DNMBP: variants seen among roughly 807,000 people sequenced by gnomAD.
The protein encoded by DNMBP is dynamin-binding protein.
Under a neutral mutation model 150.0 loss-of-function variants are expected in DNMBP, and 87 were observed. That is an observed-to-expected ratio of 0.58 (90% confidence interval 0.49 to 0.69). DNMBP has a LOEUF of 0.69. Among genes scored for constraint, DNMBP ranks in the 30% least tolerant of loss-of-function variants. The pLI is 0.00. For missense variants in DNMBP, 1,774 were observed against 1,949.0 expected (o/e 0.91, Z 1.69); for synonymous variants, 711 against 750.4 (o/e 0.95, Z 0.86).
chr10:99,913,968 C>A, intron 4 of DNMBP: 2 of 1,451,120 alleles, frequency 1.4e-6, no homozygotes, highest in Non-Finnish European at 9.1e-7. Flanking sequence ...GTGCCCAGAG[C>A]TGGCTGTGTG....
At chr10:99,984,847 C>T (rs1359100539) in intron 1 of DNMBP, among the ~76,000 whole-genome samples, 2 of 152,188 alleles carry the variant, frequency 1.3e-5, no homozygotes, top group Non-Finnish European at 2.9e-5. Flanking sequence ...CCCACCTTAG[C>T]CTCACAAGTA....
chr10:99,933,777 C>A (rs544539928), intron 4 of DNMBP, among the ~76,000 whole-genome samples: 1 of 152,318 alleles, frequency 6.6e-6, no homozygotes, highest in Middle Eastern at 3.4e-3. Context: ...CGCTCTATCA[C>A]TCAGGCTGGA....
At chr10:99,994,947 A>T (rs1481285447) in intron 1 of DNMBP, among the ~76,000 whole-genome samples, 1 of 152,118 alleles carries the variant, frequency 6.6e-6, no homozygotes, top group Non-Finnish European at 1.5e-5. Flanking sequence ...TTAAAGAGAC[A>T]GGGTCTTGCT....
intron 3 of DNMBP, among the ~76,000 whole-genome samples, chr10:99,961,278 T>TTTC (rs1554870587): frequency 3.7e-5 from 5 of 134,254 alleles, no homozygotes; most frequent in African/African-American, 1.4e-4. Context: ...TTTTTTTTTT[T>TTTC]TTTTTTTTTT....
rs557903837 is a variant in DNMBP, at chr10:99,963,224, G to C, written c.268+5891C>G. Among the ~76,000 whole-genome samples the C allele has an allele frequency of 1.1e-4, 17 of 151,764 alleles. No individual in the cohort carries two copies. The South Asian group carries it at 3.5e-3, about 32-fold the overall frequency. Reference sequence around the variant, plus strand: ...GCTGGGACTACAGGTGTGTGCCACTGTGCCCAGCTAATTTTTTTTTTTGTT... The same window carrying C: ...GCTGGGACTACAGGTGTGTGCCACTCTGCCCAGCTAATTTTTTTTTTTGTT... On this transcript the variant is annotated intron_variant, in intron 3 of 16. Transcript: ENST00000324109.
chr10:99,879,902 C>G lies in DNMBP; in HGVS notation c.4457G>C (p.Ser1486Thr), dbSNP rs2039336738. The change falls in exon 16 of 17, where the codon AGT (serine) becomes ACT (threonine). Residue 1486 changes from serine (S) to threonine (T), a missense_variant. This residue lies in a region of DNMBP where 1,430 missense variants were observed against 1,492.5 expected (regional missense o/e 0.96). Coordinates refer to ENST00000324109, the MANE Select transcript of DNMBP (RefSeq NM_015221.4). ...TGCACATCCTTTGACGAGGTCTTGA[C>G]TTTGCCCATTTCGTCCTGGTACGGA... The part of the protein sequence containing the change: ...GYSVPGRNGQ[S>T]QDLVKGCART... 1 of 1,614,124 alleles carries G rather than the reference C, an allele frequency of 6.2e-7. No homozygotes were observed. The highest frequency in any genetic ancestry group is 1.1e-5 in the South Asian group (1 of 91,092).
intron 4 of DNMBP, among the ~76,000 whole-genome samples, chr10:99,911,721 CTT>C (rs1180195015): frequency 6.6e-6 from 1 of 152,134 alleles, no homozygotes; most frequent in Non-Finnish European, 1.5e-5. Context: ...CAAAATAAAA[CTT>C]AAGACATAAC....
At chr10:99,995,138 G>A (rs936583545) in intron 1 of DNMBP, among the ~76,000 whole-genome samples, 3 of 150,214 alleles carry the variant, frequency 2.0e-5, no homozygotes, top group Non-Finnish European at 3.0e-5. Flanking sequence ...CTGCAGCCTT[G>A]ACCTCCCAGT....
At chr10:99,877,706 A>C (rs2039298475) in intron 16 of DNMBP, among the ~76,000 whole-genome samples, 1 of 152,112 alleles carries the variant, frequency 6.6e-6, no homozygotes, top group Non-Finnish European at 1.5e-5. Context: ...TCTACTAAAA[A>C]TACAAAAATT....
In DNMBP at chr10:99,966,330, T is replaced by C. The variant is rs60311307; in HGVS notation, c.268+2785A>G. Among the ~76,000 whole-genome samples the C allele has an allele frequency of 8.0e-3, 1,217 of 152,344 alleles. 19 individuals carry two copies. The highest frequency in any genetic ancestry group is 0.028 in the African/African-American group (1,165 of 41,580). On this transcript the variant is annotated intron_variant, in intron 3 of 16. Coordinates refer to ENST00000324109, the MANE Select transcript of DNMBP (RefSeq NM_015221.4). ...TTCCCAGTGTATCCCCCTGCCCACATCCTCTTCCTTTGGATTCCACTTACA... is the reference window on the plus strand; with the variant it reads ...TTCCCAGTGTATCCCCCTGCCCACACCCTCTTCCTTTGGATTCCACTTACA...
chr10:99,915,112 T>TAA (rs2039948461), intron 4 of DNMBP, among the ~76,000 whole-genome samples: 1 of 80,172 alleles, frequency 1.2e-5, no homozygotes, highest in Non-Finnish European at 2.7e-5. Context: ...AAAAAAAATA[T>TAA]ATATATATAT....
At chr10:99,975,065 T>C (rs1300234930) in intron 1 of DNMBP, among the ~76,000 whole-genome samples, 2 of 152,188 alleles carry the variant, frequency 1.3e-5, no homozygotes, top group Non-Finnish European at 2.9e-5. Flanking sequence ...TGACCTCTGT[T>C]AATTTATAAT....
At chr10:99,928,508 A>C (rs1374792742) in intron 4 of DNMBP, among the ~76,000 whole-genome samples, 14 of 152,214 alleles carry the variant, frequency 9.2e-5, no homozygotes. Context: ...CACACACGAA[A>C]GGTTTAACAG....
Position 99,895,015 on chromosome 10 carries a change from G to T in DNMBP, c.3087C>A (p.Asn1029Lys). ...KDEVFEETEK[N>K]FRMQERLIKS... is the part of the protein sequence containing the mutation. Reference sequence around the variant, plus strand: ...TAATCAATCTTTCTTGCATTCGGAAGTTTTTTTCTGTTTCTTCAAATACTT... The same window carrying T: ...TAATCAATCTTTCTTGCATTCGGAATTTTTTTTCTGTTTCTTCAAATACTT... The change falls in exon 11 of 17, where the codon AAC becomes AAA. Residue 1029 changes from asparagine (N) to lysine (K), a missense_variant. Physicochemically the swap from Asn to Lys is moderately conservative, Grantham distance 94. This residue lies in a region of DNMBP where 1,430 missense variants were observed against 1,492.5 expected (regional missense o/e 0.96). Transcript: ENST00000324109. The T allele has an allele frequency of 6.2e-7, 1 of 1,609,724 alleles. No homozygotes were observed. Among genetic ancestry groups the T allele is most frequent in the Non-Finnish European group, 8.5e-7 (1 of 1,177,522 alleles).
At chr10:99,931,703 G>A (rs565461274) in intron 4 of DNMBP, among the ~76,000 whole-genome samples, 3 of 152,158 alleles carry the variant, frequency 2.0e-5, no homozygotes, top group African/African-American at 7.2e-5. Context: ...ATATTAGATG[G>A]TTACCTATCA....
rs1195297745 is a variant in DNMBP, at chr10:99,898,254, A to AG, written c.2751dup (p.Phe918LeufsTer30). On this transcript the variant is annotated frameshift_variant, in exon 9 of 17. Transcript: ENST00000324109. LOFTEE classifies it high-confidence loss of function. ...ACTCTCTGTACTGGTTTGATGAGGAAGGAGCCCAGGTTAATATAATTTGTG... is the reference window on the plus strand; with the variant it reads ...ACTCTCTGTACTGGTTTGATGAGGAAGGGAGCCCAGGTTAATATAATTTGTG... 3.7e-6 allele frequency: 6 copies of AG among 1,613,972 alleles called. No individual in the cohort carries two copies. Among genetic ancestry groups the AG allele is most frequent in the Non-Finnish European group, 5.1e-6 (6 of 1,179,952 alleles).
chr10:99,906,596 G>GCT (rs2039828624), intron 6 of DNMBP, among the ~76,000 whole-genome samples: 1 of 152,006 alleles, frequency 6.6e-6, no homozygotes, highest in Admixed American at 6.6e-5. Flanking sequence ...TCTGTCTCTC[G>GCT]CTCTCTCTCA....
Position 99,949,724 on chromosome 10 carries a change from A to G in DNMBP, c.2260+5490T>C, listed in dbSNP as rs191344007. ...CCCACATTAAGTCTTTCACAGCACT[A>G]AACAGCAATTTTTTTAAAAAGTCAG... is the stretch of plus-strand genomic sequence containing the variant. On this transcript the variant is annotated intron_variant, in intron 4 of 16. Coordinates refer to ENST00000324109, the MANE Select transcript of DNMBP (RefSeq NM_015221.4). 1.6e-4 allele frequency among the ~76,000 whole-genome samples: 24 copies of G among 152,340 alleles called. No homozygotes were observed. In the East Asian group the frequency reaches 3.5e-3, roughly 22 times the overall value.
intron 6 of DNMBP, among the ~76,000 whole-genome samples, chr10:99,906,828 A>G (rs908765432): frequency 3.9e-5 from 6 of 152,232 alleles, no homozygotes; most frequent in Non-Finnish European, 8.8e-5. Context: ...CCTGACCTAC[A>G]GAAGCAGCGA....
Sources: allele counts gnomAD v4.1 joint callset (sites outside exome capture counted in the v4.1 genomes callset), GRCh38; gene constraint gnomAD v4.1.1; regional missense constraint gnomAD v4.1.1; transcripts MANE v1.5; gene names NCBI Gene and HGNC (gene_info 2026-07-23, HGNC 2026-07-21).